TRPM3: variants seen among roughly 807,000 people sequenced by gnomAD.
TRPM3 encodes the protein transient receptor potential cation channel subfamily M member 3.
TRPM3 carries 77 observed loss-of-function variants against 181.2 expected under a neutral mutation model. That is an observed-to-expected ratio of 0.42 (90% CI 0.35 to 0.51). The LOEUF is 0.51. TRPM3 is among the 20% of genes least tolerant of loss of function. The probability of loss-of-function intolerance (pLI) is 0.01; values close to 1 mark genes in which losing one functional copy is unlikely to be tolerated. For missense variants in TRPM3, 1,759 were observed against 2,196.7 expected (o/e 0.80, Z 3.98); for synonymous variants, 745 against 796.4 (o/e 0.94, Z 1.09).
At chr9:70,677,827 G>T (rs928156141) in intron 9 of TRPM3, among the ~76,000 whole-genome samples, 1 of 151,940 alleles carries the variant, frequency 6.6e-6, no homozygotes, top group Non-Finnish European at 1.5e-5. Context: ...AAAAGGGATC[G>T]CCCCCTTTCC....
chr9:71,198,159 T>C (rs888664386), intron 1 of TRPM3, among the ~76,000 whole-genome samples: 2 of 151,458 alleles, frequency 1.3e-5, no homozygotes, highest in African/African-American at 4.9e-5. Flanking sequence ...TTTTCTCAGG[T>C]TTGTCAAAGA....
intron 1 of TRPM3, among the ~76,000 whole-genome samples, chr9:70,898,699 G>C (rs2096330172): frequency 7.3e-6 from 1 of 136,496 alleles, no homozygotes. Flanking sequence ...ACTGAGCTGA[G>C]ATCGTGCCAT....
chr9:70,635,184 C>T (rs1351314053), intron 12 of TRPM3, 27 bp downstream of exon 12: 1 of 1,610,986 alleles, frequency 6.2e-7, no homozygotes, highest in Non-Finnish European at 8.5e-7. Context: ...GACAGGGCCT[C>T]CGACCTGCAG....
At chr9:70,741,874 A>G (rs969113871) in intron 8 of TRPM3, among the ~76,000 whole-genome samples, 6 of 152,130 alleles carry the variant, frequency 3.9e-5, no homozygotes, top group African/African-American at 1.4e-4. Context: ...GATACAGTGT[A>G]CACTGCCCGG....
chr9:70,676,150 A>G (rs1222335950), intron 9 of TRPM3, among the ~76,000 whole-genome samples: 1 of 152,262 alleles, frequency 6.6e-6, no homozygotes, highest in Non-Finnish European at 1.5e-5. Flanking sequence ...AAAAGAAAGC[A>G]AGCAATAAAG....
intron 1 of TRPM3, among the ~76,000 whole-genome samples, chr9:71,279,133 G>A (rs1004674016): frequency 4.0e-5 from 6 of 151,334 alleles, no homozygotes; most frequent in Non-Finnish European, 5.9e-5. Flanking sequence ...ACCCCATAGT[G>A]GAAATGAAAG....
intron 22 of TRPM3, among the ~76,000 whole-genome samples, chr9:70,583,285 A>G (rs967736769): frequency 6.6e-6 from 1 of 152,240 alleles, no homozygotes; most frequent in African/African-American, 2.4e-5. Flanking sequence ...GTGAGAGTGT[A>G]TGAGAGTGAA....
chr9:70,903,555 A>T (rs1438932580), intron 1 of TRPM3, among the ~76,000 whole-genome samples: 1 of 152,086 alleles, frequency 6.6e-6, no homozygotes, highest in East Asian at 1.9e-4. Context: ...TAGGAAATAT[A>T]CTTTTTCCTT....
chr9:71,075,945 T>C (rs1799927429), intron 1 of TRPM3, among the ~76,000 whole-genome samples: 1 of 152,228 alleles, frequency 6.6e-6, no homozygotes, highest in African/African-American at 2.4e-5. Context: ...TCACTGGTCA[T>C]AGCAAAAGGA....
intron 1 of TRPM3, among the ~76,000 whole-genome samples, chr9:71,383,045 G>A (rs2092839313): frequency 6.6e-6 from 1 of 152,094 alleles, no homozygotes; most frequent in Non-Finnish European, 1.5e-5. Flanking sequence ...CAATGAGAAA[G>A]TAAAACTAAT....
At chr9:70,941,889 T>A (rs1193310607) in intron 1 of TRPM3, among the ~76,000 whole-genome samples, 1 of 152,172 alleles carries the variant, frequency 6.6e-6, no homozygotes, top group African/African-American at 2.4e-5. Context: ...CAGCAAGTAG[T>A]TCCCATCCCC....
chr9:71,106,054 T>C (rs1343804141), intron 1 of TRPM3, among the ~76,000 whole-genome samples: 26 of 152,156 alleles, frequency 1.7e-4, no homozygotes, highest in Admixed American at 1.7e-3. Context: ...TGTTCTACTG[T>C]TCACTTAAGT....
intron 1 of TRPM3, among the ~76,000 whole-genome samples, chr9:71,119,244 G>T (rs937311329): frequency 5.9e-5 from 9 of 152,054 alleles, no homozygotes; most frequent in African/African-American, 2.2e-4. Context: ...CTCCAGTAAG[G>T]TTCCATCCTG....
At chr9:70,659,674 C>A (rs2060840987) in intron 9 of TRPM3, among the ~76,000 whole-genome samples, 1 of 152,044 alleles carries the variant, frequency 6.6e-6, no homozygotes, top group Admixed American at 6.5e-5. Context: ...TAATGTTTTT[C>A]AATTTTTATT....
At chr9:70,919,242 C>T (rs1185095172) in intron 1 of TRPM3, among the ~76,000 whole-genome samples, 3 of 152,190 alleles carry the variant, frequency 2.0e-5, no homozygotes, top group Non-Finnish European at 2.9e-5. Context: ...TCCTCTGTCA[C>T]CTGATTAGAA....
chr9:70,829,618 T>C (rs917673862), intron 5 of TRPM3, among the ~76,000 whole-genome samples: 1 of 152,222 alleles, frequency 6.6e-6, no homozygotes, highest in Non-Finnish European at 1.5e-5. Flanking sequence ...AGCATTAATG[T>C]AGCATTTGTT....
chr9:70,739,736 T>G (rs377743571), intron 8 of TRPM3, among the ~76,000 whole-genome samples: 3 of 152,180 alleles, frequency 2.0e-5, no homozygotes, highest in African/African-American at 7.2e-5. Context: ...TCAGGAGGGA[T>G]TCTCCTGATT....
intron 1 of TRPM3, among the ~76,000 whole-genome samples, chr9:71,186,164 T>G (rs555488953): frequency 6.6e-5 from 10 of 152,154 alleles, no homozygotes; most frequent in Admixed American, 2.0e-4. Context: ...GCCAATCAGA[T>G]TAGACTAGGA....
At chr9:71,332,961 G>A (rs1409073488) in intron 1 of TRPM3, among the ~76,000 whole-genome samples, 1 of 151,810 alleles carries the variant, frequency 6.6e-6, no homozygotes, top group African/African-American at 2.4e-5. Context: ...AATTCCCACA[G>A]AACTTCCAAA....
Sources: gnomAD v4.1 joint callset for allele counts (sites outside exome capture counted in the v4.1 genomes callset) on GRCh38, gnomAD v4.1.1 for gene constraint, MANE v1.5 for transcripts, NCBI Gene and HGNC (gene_info 2026-07-23, HGNC 2026-07-21) for gene names.